The following USP37 variants were observed in gnomAD, a reference collection of about 807,000 sequenced individuals.
USP37 encodes the protein ubiquitin carboxyl-terminal hydrolase 37.
A neutral mutation model predicts 124.0 loss-of-function variants in USP37; 27 were observed. That is an observed-to-expected ratio of 0.22 (90% confidence interval 0.16 to 0.30). USP37 has a LOEUF of 0.30. Ranked by LOEUF, USP37 falls within the 10% of genes least tolerant of loss-of-function variation. The probability of loss-of-function intolerance (pLI) is 1.00; values close to 1 mark genes in which losing one functional copy is unlikely to be tolerated. For missense variants in USP37, 889 were observed against 1,140.4 expected, an observed-to-expected ratio of 0.78 and a Z score of 3.17; for synonymous variants, 365 against 388.0, an observed-to-expected ratio of 0.94 and a Z score of 0.70.
At position 218,495,761 on chromosome 2, in the gene USP37, C is replaced by T. The variant is rs766752595; in HGVS notation, c.1471G>A (p.Ala491Thr). ...AATCATTTCTTAGACACTACTTACG[C>T]TTTACAAATGATGGAGTGCTGAACC... is the stretch of plus-strand genomic sequence containing the variant. ...FEVQHSIICK[A>T]CGEIIPKREQ... The change falls in exon 14 of 26, where the codon GCA becomes ACA. Residue 491 changes from alanine (A) to threonine (T), a missense_variant and splice_region_variant. Ala to Thr is a moderately conservative substitution (Grantham distance 58). Around this residue, in one of 3 missense-constraint regions of USP37, gnomAD observed 504 missense variants for 714.3 expected, o/e 0.71. Transcript: ENST00000258399. The T allele has an allele frequency of 3.1e-6, 5 of 1,607,760 alleles. No homozygotes were observed. In the South Asian group the frequency reaches 3.3e-5, roughly 11 times the overall value.
Position 218,454,949 on chromosome 2 carries a change from GTCTT to G in USP37, c.2917_2920del (p.Lys973LeufsTer31). On this transcript the variant is annotated frameshift_variant, in exon 26 of 26. Coordinates refer to ENST00000258399, the MANE Select transcript of USP37 (RefSeq NM_020935.3). LOFTEE classifies it high-confidence loss of function. ...TGTTCCTCACAAGGCCTGACGGGTA[GTCTT>G]CCCCACTTCCGTGCTAAGTGACTGA... is the stretch of plus-strand genomic sequence containing the variant. 1 of 1,614,094 alleles carries G rather than the reference GTCTT, an allele frequency of 6.2e-7. No individual in the cohort carries two copies. The highest frequency in any genetic ancestry group is 8.5e-7 in the Non-Finnish European group (1 of 1,180,024).
chr2:218,516,908 A>G (rs1055318061), intron 10 of USP37, among the ~76,000 whole-genome samples: 2 of 152,168 alleles, frequency 1.3e-5, no homozygotes, highest in Admixed American at 6.5e-5. Context: ...TCATATTAAC[A>G]TCTCTGATTC....
intron 19 of USP37, among the ~76,000 whole-genome samples, chr2:218,476,321 C>A (rs1008815265): frequency 6.6e-6 from 1 of 152,108 alleles, no homozygotes; most frequent in Non-Finnish European, 1.5e-5. Context: ...TGCCTGTAAT[C>A]CCAGCACTTA....
intron 24 of USP37, among the ~76,000 whole-genome samples, chr2:218,456,307 C>T (rs1453307576): frequency 6.6e-6 from 1 of 151,718 alleles, no homozygotes; most frequent in Non-Finnish European, 1.5e-5. Flanking sequence ...AAAAATTAGT[C>T]AGGTGTGGTG....
At chr2:218,517,718 T>C (rs991479498) in intron 10 of USP37, among the ~76,000 whole-genome samples, 31 of 152,224 alleles carry the variant, frequency 2.0e-4, no homozygotes, top group African/African-American at 6.0e-4. Context: ...CTACTTGGTA[T>C]TCATTAGGCT....
rs58650311 is a variant in USP37 at position 218,528,803 on chromosome 2, GAAAAAAAAAAAAAAAAAAAAAAAA to G, written c.863+1129_863+1152del. 1.9e-3 allele frequency: 57 copies of G among 29,728 alleles called. 1 individual carries two copies. In the Middle Eastern group the frequency reaches 0.038, roughly 20 times the overall value. The allele number at this position is 29,728 out of a possible 1,614,324, so 1.8% of individuals were successfully genotyped here. On this transcript the variant is annotated intron_variant, in intron 10 of 25. Transcript: ENST00000258399. ...TTATGTATTTATACCCAATAAATCT[GAAAAAAAAAAAAAAAAAAAAAAAA>G]AAAAAAAAAAAAAAGAGCTTATCTA...
At chr2:218,526,882 G>A (rs896139883) in intron 10 of USP37, among the ~76,000 whole-genome samples, 3 of 130,276 alleles carry the variant, frequency 2.3e-5, no homozygotes, top group African/African-American at 5.7e-5. Flanking sequence ...TCCGCCTCCC[G>A]GGTTCACGCC....
chr2:218,541,681 C>G (rs1304470420), intron 8 of USP37, among the ~76,000 whole-genome samples: 1 of 152,144 alleles, frequency 6.6e-6, no homozygotes, highest in Non-Finnish European at 1.5e-5. Flanking sequence ...GTTAATCCCA[C>G]TAAGCCTCCT....
At chr2:218,540,302 C>G (rs1691903800) in intron 8 of USP37, among the ~76,000 whole-genome samples, 1 of 152,100 alleles carries the variant, frequency 6.6e-6, no homozygotes, top group Non-Finnish European at 1.5e-5. Context: ...TGGGACAGCT[C>G]AAGGTTTCAT....
chr2:218,498,995 C>T (rs1358554061), intron 11 of USP37, among the ~76,000 whole-genome samples: 1 of 152,088 alleles, frequency 6.6e-6, no homozygotes, highest in Non-Finnish European at 1.5e-5. Flanking sequence ...ACTTTTTATG[C>T]CGGGTGCAGT....
At position 218,505,792 on chromosome 2, in the gene USP37, G is replaced by T. The variant is rs369326475; in HGVS notation, c.1025+4187C>A. Among the ~76,000 whole-genome samples the T allele has an allele frequency of 2.0e-4, 30 of 152,220 alleles. No individual in the cohort carries two copies. The East Asian group carries it at 5.4e-3, about 27-fold the overall frequency. ...TCTAGGTCAATTTTCCAGATTGAAA[G>T]AGCTGGAAAGCTCTTTCAATATACA... On this transcript the variant is annotated intron_variant, in intron 11 of 25. Coordinates refer to ENST00000258399, the MANE Select transcript of USP37 (RefSeq NM_020935.3).
chr2:218,516,304 T>C (rs1430471627), intron 10 of USP37, among the ~76,000 whole-genome samples: 1 of 152,176 alleles, frequency 6.6e-6, no homozygotes, highest in Non-Finnish European at 1.5e-5. Context: ...CCATCAATGA[T>C]AGACGGGATA....
intron 11 of USP37, among the ~76,000 whole-genome samples, chr2:218,507,210 A>G (rs565562253): frequency 1.3e-5 from 2 of 151,744 alleles, no homozygotes; most frequent in African/African-American, 4.8e-5. Context: ...TCCAGGCTGG[A>G]GTAGAGTGGT....
At chr2:218,483,082 T>C (rs756119452) in intron 16 of USP37, among the ~76,000 whole-genome samples, 35 of 152,326 alleles carry the variant, frequency 2.3e-4, no homozygotes, top group Non-Finnish European at 4.4e-4. Context: ...ACTGAAGTTA[T>C]AGATTGTAGT....
intron 14 of USP37, among the ~76,000 whole-genome samples, chr2:218,494,145 C>G (rs1425367413): frequency 6.6e-6 from 1 of 152,192 alleles, no homozygotes; most frequent in Non-Finnish European, 1.5e-5. Context: ...TGAATGAAAG[C>G]AAGCAGTGTC....
chr2:218,520,878 C>A (rs1690572659), intron 10 of USP37, among the ~76,000 whole-genome samples: 1 of 152,156 alleles, frequency 6.6e-6, no homozygotes, highest in South Asian at 2.1e-4. Context: ...TTTGTCCCTG[C>A]CCAAATCTCA....
At chr2:218,530,295 C>G (rs540981413) in intron 9 of USP37, among the ~76,000 whole-genome samples, 23 of 152,092 alleles carry the variant, frequency 1.5e-4, no homozygotes, top group Non-Finnish European at 2.8e-4. Flanking sequence ...TGCCATTTTC[C>G]CAACAGTATA....
At chr2:218,534,433 G>A (rs1691507272) in intron 9 of USP37, among the ~76,000 whole-genome samples, 176 bp downstream of exon 9, 4 of 152,244 alleles carry the variant, frequency 2.6e-5, no homozygotes, top group South Asian at 2.1e-4. Flanking sequence ...AGGTTGCAGT[G>A]AGCCGATATT....
intron 4 of USP37, among the ~76,000 whole-genome samples, chr2:218,556,503 GTTTTTTTTTTTTTTTT>G (rs34907421): frequency 1.9e-5 from 1 of 53,806 alleles, no homozygotes; most frequent in Non-Finnish European, 3.6e-5. Context: ...GGGTTTTTCT[GTTTTTTTTTTTTTTTT>G]TTTTTTTTTT....
Sources: allele counts gnomAD v4.1 joint callset (sites outside exome capture counted in the v4.1 genomes callset), GRCh38; gene constraint gnomAD v4.1.1; regional missense constraint gnomAD v4.1.1; transcripts MANE v1.5; gene names NCBI Gene and HGNC (gene_info 2026-07-23, HGNC 2026-07-21).